STK11IP: variants seen among roughly 807,000 people sequenced by gnomAD.
The protein encoded by STK11IP is serine/threonine kinase 11 interacting protein, also known as serine/threonine-protein kinase 11-interacting protein.
STK11IP carries 103 observed loss-of-function variants against 131.7 expected under a neutral mutation model. The ratio of observed to expected loss-of-function variants is 0.78; its 90% CI spans 0.67 to 0.92. The LOEUF (loss-of-function observed/expected upper bound fraction) is 0.92, where lower values mean the gene tolerates loss of function less well. Ranked by LOEUF, STK11IP falls within the 40% of genes least tolerant of loss-of-function variation. The pLI is 0.00. For missense variants in STK11IP, 1,315 were observed against 1,385.7 expected, an observed-to-expected ratio of 0.95 and a Z score of 0.81; for synonymous variants, 557 against 575.6, an observed-to-expected ratio of 0.97 and a Z score of 0.46.
At position 219,597,888 on chromosome 2, in the gene STK11IP, A is replaced by T. The variant is rs1353394909; in HGVS notation, c.-62A>T. On this transcript the variant is annotated 5_prime_UTR_variant, in exon 1 of 25. Transcript: ENST00000456909. ...TTTCCATCATTGATAGGCGCCGGGCAGCTGAGCTGGTAGGAGGACCAGACG... is the reference window on the plus strand; with the variant it reads ...TTTCCATCATTGATAGGCGCCGGGCTGCTGAGCTGGTAGGAGGACCAGACG... The T allele has an allele frequency of 6.2e-7, 1 of 1,609,170 alleles. No individual in the cohort carries two copies. Among genetic ancestry groups the T allele is most frequent in the Middle Eastern group, 1.7e-4 (1 of 6,046 alleles).
intron 8 of STK11IP, 82 bp downstream of exon 8, chr2:219,605,816 C>T (rs1574618544): frequency 6.5e-7 from 1 of 1,536,858 alleles, no homozygotes; most frequent in Non-Finnish European, 8.8e-7. Context: ...CCATGTGCCT[C>T]TAGAGCCTTG....
rs766985649 is a variant in STK11IP, at chr2:219,609,118, G to A, written c.1831G>A (p.Ala611Thr). The change falls in exon 16 of 25, where the codon GCC (alanine) becomes ACC (threonine). Residue 611 changes from alanine (A) to threonine (T), a missense_variant. Ala to Thr is a moderately conservative substitution (Grantham distance 58, BLOSUM62 0). Coordinates refer to ENST00000456909, the MANE Select transcript of STK11IP (RefSeq NM_052902.4). ...GCAGGGCTCAGATCTGCTCCCTGGA[G>A]CCCCCATCCTCAGTCTGCGCTTCTC... ...RPTGSDLLPG[A>T]PILSLRFSYI... 1.6e-5 allele frequency: 25 copies of A among 1,604,494 alleles called. No homozygotes were observed. In the African/African-American group the frequency reaches 2.4e-4, roughly 15 times the overall value.
chr2:219,608,932 G>A (rs1698296933), intron 15 of STK11IP, 144 bp downstream of exon 15: 3 of 1,105,388 alleles, frequency 2.7e-6, no homozygotes, highest in Non-Finnish European at 2.6e-6. Context: ...GCAAGCACTC[G>A]GGAAGCTGGG....
At chr2:219,612,953 G>C in intron 19 of STK11IP, 175 bp from the exon 20 acceptor site, 1 of 591,278 alleles carries the variant, frequency 1.7e-6, no homozygotes, top group Non-Finnish European at 3.1e-6. Flanking sequence ...GGGCTGCAAG[G>C]CAGAGAGCGG....
intron 24 of STK11IP, 23 bp downstream of exon 24, chr2:219,615,364 AGAGG>A (rs1340269663): frequency 1.3e-6 from 2 of 1,583,550 alleles, no homozygotes; most frequent in Non-Finnish European, 8.6e-7. Context: ...ATCTCCAGTG[AGAGG>A]GAGGGAGGGG....
At chr2:219,598,488 A>G in intron 2 of STK11IP, 1 of 304,814 alleles carries the variant, frequency 3.3e-6, no homozygotes, top group Non-Finnish European at 6.0e-6. Context: ...GATCTCGGTC[A>G]TAATCATTAT....
Position 219,615,100 on chromosome 2 carries a change from C to A in STK11IP, c.2876C>A (p.Ser959Tyr). The change falls in exon 24 of 25, where the codon TCC (serine) becomes TAC (tyrosine). Residue 959 changes from serine (S) to tyrosine (Y), a missense_variant. Transcript: ENST00000456909. Reference sequence around the variant, plus strand: ...GATGCCTCTTTCCCTGCAGGCCCTTCCACCTGCCTCGTATCCCTGTTGCTG... The same window carrying A: ...GATGCCTCTTTCCCTGCAGGCCCTTACACCTGCCTCGTATCCCTGTTGCTG... ...YLRAFLVEGP[S>Y]TCLVSLLLTP... The A allele has an allele frequency of 6.2e-7, 1 of 1,608,828 alleles. No individual in the cohort carries two copies. The highest frequency in any genetic ancestry group is 8.5e-7 in the Non-Finnish European group (1 of 1,178,846).
Position 219,602,783 on chromosome 2 carries a change from A to C in STK11IP, c.618+7A>C. The C allele has an allele frequency of 6.2e-7, 1 of 1,609,768 alleles. No individual in the cohort carries two copies. The highest frequency in any genetic ancestry group is 8.5e-7 in the Non-Finnish European group (1 of 1,177,902). The stretch of plus-strand genomic sequence containing the variant: ...CTGTCAGGGATTCCTGATGGTGAGT[A>C]TGGGCAGTTTGGCAGCTGGCACACC... On this transcript the variant is annotated splice_region_variant and intron_variant, in intron 7 of 24. Transcript: ENST00000456909.
At chr2:219,615,898 T>G (rs1698555368) in intron 24 of STK11IP, 146 bp from the exon 25 acceptor site, 1 of 1,046,120 alleles carries the variant, frequency 9.6e-7, no homozygotes, top group African/African-American at 1.6e-5. Context: ...AGAGTCAGGA[T>G]CTTTTATGGG....
At chr2:219,605,069 A>G (rs1698106772) in intron 7 of STK11IP, among the ~76,000 whole-genome samples, 2 of 152,080 alleles carry the variant, frequency 1.3e-5, no homozygotes, top group South Asian at 2.1e-4. Flanking sequence ...GCCTCAAGTG[A>G]TCCCCCCTCT....
At chr2:219,600,364 G>A (rs1405909516) in intron 2 of STK11IP, among the ~76,000 whole-genome samples, 1 of 152,154 alleles carries the variant, frequency 6.6e-6, no homozygotes, top group Non-Finnish European at 1.5e-5. Context: ...CTCCCAAAGT[G>A]CTGGGATTAC....
chr2:219,598,884 A>G (rs534857317), intron 2 of STK11IP, among the ~76,000 whole-genome samples: 6 of 152,350 alleles, frequency 3.9e-5, no homozygotes, highest in South Asian at 2.1e-4. Flanking sequence ...TATGATCTCC[A>G]TCAAGATTTT....
Position 219,608,228 on chromosome 2 carries a change from C to G in STK11IP, c.1401C>G (p.Pro467=), listed in dbSNP as rs1209434222. Residue 467 remains proline, a synonymous_variant, in exon 14 of 25, where the codon CCC becomes CCG. Transcript: ENST00000456909. ...GCTCCCAGGGCCCCGACACTGCACC[C>G]AGACCTTCACCCCCGCAGGAGGAAG... ...PASSQGPDTA[P]RPSPPQEEAR... is the part of the protein sequence containing the mutation. The G allele has an allele frequency of 1.2e-6, 2 of 1,613,524 alleles. No homozygotes were observed. Among genetic ancestry groups the G allele is most frequent in the African/African-American group, 2.7e-5 (2 of 74,928 alleles).
rs536620372 is a variant in STK11IP at position 219,608,425 on chromosome 2, T to C, written c.1598T>C (p.Val533Ala). The C allele has an allele frequency of 9.4e-5, 147 of 1,558,620 alleles. No homozygotes were observed. Among genetic ancestry groups the C allele is most frequent in the Non-Finnish European group, 1.2e-4 (140 of 1,152,282 alleles). ...GAAGAGGAGCAGGACCAGAAGGAAGTGGAAGGTGAGCCCTTTGTGGGCTGG... is the reference window on the plus strand; with the variant it reads ...GAAGAGGAGCAGGACCAGAAGGAAGCGGAAGGTGAGCCCTTTGTGGGCTGG... ...EEEEEQDQKE[V>A]EAELCRPLLV... Residue 533 changes from valine (V) to alanine (A), a missense_variant, in exon 14 of 25, where the codon GTG (valine) becomes GCG (alanine). By Grantham distance (64) the Val-to-Ala change is moderately conservative. Transcript: ENST00000456909.
chr2:219,609,197 C>T lies in STK11IP; in HGVS notation c.1910C>T (p.Ala637Val), dbSNP rs1486033971. 6.2e-7 allele frequency: 1 copy of T among 1,604,908 alleles called. No homozygotes were observed. Among genetic ancestry groups the T allele is most frequent in the Non-Finnish European group, 8.5e-7 (1 of 1,175,750 alleles). The stretch of plus-strand genomic sequence containing the variant: ...CGCTATTTGGTGCTGGAGCCTGATG[C>T]CCACGCAGCTGTCCAGGTGATGGCG... ...LRRYLVLEPD[A>V]HAAVQELLAV... is the part of the protein sequence containing the mutation. Residue 637 changes from alanine (A) to valine (V), a missense_variant, in exon 16 of 25, where the codon GCC (alanine) becomes GTC (valine). Transcript: ENST00000456909.
intron 11 of STK11IP, 29 bp from the exon 12 acceptor site, chr2:219,606,683 T>C (rs1698175539): frequency 6.3e-7 from 1 of 1,597,442 alleles, no homozygotes; most frequent in Non-Finnish European, 8.5e-7. Context: ...GGCTCCAACC[T>C]CTCTCTCCTT....
At chr2:219,606,084 C>T (rs746964447) in intron 9 of STK11IP, 25 bp downstream of exon 9, 2 of 1,572,434 alleles carry the variant, frequency 1.3e-6, no homozygotes, top group South Asian at 2.3e-5. Context: ...CATCAGGGGC[C>T]TGGGAACCAC....
intron 20 of STK11IP, 29 bp downstream of exon 20, chr2:219,613,254 A>AG: frequency 1.3e-6 from 1 of 764,248 alleles, no homozygotes; most frequent in East Asian, 5.1e-5. Flanking sequence ...GCAGTGAGTA[A>AG]GGGGGGAGAT....
At chr2:219,613,674 T>C in intron 20 of STK11IP, 78 bp from the exon 21 acceptor site, 1 of 1,555,282 alleles carries the variant, frequency 6.4e-7, no homozygotes. Flanking sequence ...GTGAGGCAGG[T>C]GCAGCTGGGG....
Sources: allele counts gnomAD v4.1 joint callset (sites outside exome capture counted in the v4.1 genomes callset), GRCh38; gene constraint gnomAD v4.1.1; transcripts MANE v1.5; gene names NCBI Gene and HGNC (gene_info 2026-07-23, HGNC 2026-07-21).